The following EYS variants were observed in gnomAD, a reference collection of about 807,000 sequenced individuals.
EYS encodes the protein protein eyes shut homolog.
In EYS, 250 loss-of-function variants were observed where a neutral mutation model predicts 282.1. The observed-to-expected ratio is 0.89, with a 90% CI of 0.80 to 0.98. The LOEUF is 0.98. Ranked by LOEUF, EYS falls within the 50% of genes least tolerant of loss-of-function variation. The pLI is 0.00. For synonymous variants in EYS, 1,355 were observed against 1,282.9 expected (o/e 1.06, Z -1.20); for missense variants, 4,016 against 3,709.0 (o/e 1.08, Z -2.15).
intron 28 of EYS, among the ~76,000 whole-genome samples, chr6:64,407,429 C>T (rs1773754664): frequency 6.6e-6 from 1 of 151,850 alleles, no homozygotes; most frequent in African/African-American, 2.4e-5. Flanking sequence ...CACATGTACC[C>T]CAGAACTTAA....
At chr6:65,687,689 T>C (rs1769076249) in intron 1 of EYS, among the ~76,000 whole-genome samples, 1 of 152,136 alleles carries the variant, frequency 6.6e-6, no homozygotes, top group Non-Finnish European at 1.5e-5. Flanking sequence ...AACCCCATCG[T>C]CTCAGCCCAA....
At chr6:64,955,352 C>A (rs1769662596) in intron 14 of EYS, among the ~76,000 whole-genome samples, 1 of 151,724 alleles carries the variant, frequency 6.6e-6, no homozygotes, top group Non-Finnish European at 1.5e-5. Context: ...AAAAAAAATT[C>A]CATATTCATG....
intron 30 of EYS, among the ~76,000 whole-genome samples, chr6:64,240,659 G>A (rs539341351): frequency 2.6e-5 from 4 of 152,222 alleles, no homozygotes; most frequent in Middle Eastern, 3.4e-3. Context: ...GGGCTGAGAC[G>A]ATGGGGTTTT....
At chr6:64,619,191 AT>A (rs1767368861) in intron 23 of EYS, among the ~76,000 whole-genome samples, 1 of 152,122 alleles carries the variant, frequency 6.6e-6, no homozygotes, top group Admixed American at 6.6e-5. Context: ...TGTATTTTGT[AT>A]TTTTTATATA....
intron 1 of EYS, among the ~76,000 whole-genome samples, chr6:65,687,936 T>C (rs1769090974): frequency 6.6e-6 from 1 of 151,986 alleles, no homozygotes; most frequent in East Asian, 1.9e-4. Flanking sequence ...TAAAAGAGGA[T>C]ACAAACAAAT....
intron 26 of EYS, among the ~76,000 whole-genome samples, chr6:64,552,809 C>T (rs181609942): frequency 6.6e-6 from 1 of 151,084 alleles, no homozygotes; most frequent in East Asian, 2.0e-4. Flanking sequence ...ATCCCAGCTA[C>T]TTGGGAGGCT....
intron 12 of EYS, among the ~76,000 whole-genome samples, chr6:65,149,978 T>C (rs931979285): frequency 2.6e-5 from 4 of 151,918 alleles, no homozygotes; most frequent in Admixed American, 2.0e-4. Context: ...GAGAGAGAAG[T>C]GCCAGCAGGG....
intron 12 of EYS, among the ~76,000 whole-genome samples, chr6:65,131,102 T>G (rs2150202517): frequency 6.6e-6 from 1 of 151,874 alleles, no homozygotes; most frequent in South Asian, 2.1e-4. Context: ...AGTAAATGAT[T>G]AATACTGTCA....
intron 35 of EYS, among the ~76,000 whole-genome samples, chr6:63,893,424 G>A (rs183866705): frequency 1.1e-4 from 16 of 152,204 alleles, no homozygotes; most frequent in South Asian, 4.2e-4. Context: ...CTTGTCCTGT[G>A]CAGGGACAAG....
At chr6:64,406,883 G>A (rs1220048589) in intron 28 of EYS, among the ~76,000 whole-genome samples, 1 of 152,154 alleles carries the variant, frequency 6.6e-6, no homozygotes, top group Non-Finnish European at 1.5e-5. Flanking sequence ...AACCATTGTG[G>A]AAGACAGTGT....
intron 28 of EYS, among the ~76,000 whole-genome samples, chr6:64,430,510 A>C (rs550515098): frequency 4.6e-5 from 7 of 152,340 alleles, no homozygotes; most frequent in African/African-American, 1.4e-4. Flanking sequence ...ATAAACCACT[A>C]AAAACCAAGA....
intron 31 of EYS, among the ~76,000 whole-genome samples, chr6:64,127,195 C>A (rs1010072168): frequency 3.9e-5 from 6 of 152,078 alleles, no homozygotes; most frequent in Admixed American, 6.6e-5. Context: ...TTGTTTGTAT[C>A]TAGGTTTCTG....
intron 35 of EYS, among the ~76,000 whole-genome samples, chr6:63,869,807 G>A (rs1772757483): frequency 6.6e-6 from 1 of 152,040 alleles, no homozygotes; most frequent in African/African-American, 2.4e-5. Flanking sequence ...GAAGTGGGTT[G>A]GGAAAGAAGG....
At chr6:64,762,524 G>C (rs62415478) in intron 22 of EYS, among the ~76,000 whole-genome samples, 18,171 of 152,200 alleles carry the variant, frequency 0.12, 1,141 homozygotes, top group East Asian at 0.21. Context: ...TCTGTTGACA[G>C]TAAGAAATGA....
chr6:64,018,767 T>TG (rs1411639212), intron 33 of EYS, among the ~76,000 whole-genome samples: 4 of 112,422 alleles, frequency 3.6e-5, no homozygotes, highest in African/African-American at 1.2e-4. Flanking sequence ...GTGTTTTTTT[T>TG]TTTTTTTTTT....
At chr6:65,130,466 C>T (rs748235844) in intron 12 of EYS, among the ~76,000 whole-genome samples, 4 of 151,734 alleles carry the variant, frequency 2.6e-5, no homozygotes, top group African/African-American at 7.3e-5. Context: ...ACAGGGAATA[C>T]GATGCAGTCA....
At chr6:64,239,214 A>G (rs1459701144) in intron 30 of EYS, among the ~76,000 whole-genome samples, 1 of 152,202 alleles carries the variant, frequency 6.6e-6, no homozygotes, top group Non-Finnish European at 1.5e-5. Flanking sequence ...CAATAAACAT[A>G]CATGTGCATG....
At chr6:64,286,407 T>C (rs907696606) in intron 30 of EYS, among the ~76,000 whole-genome samples, 1 of 152,202 alleles carries the variant, frequency 6.6e-6, no homozygotes, top group African/African-American at 2.4e-5. Context: ...ACTTTAAATC[T>C]TTCTTACAGA....
At chr6:63,741,459 A>G (rs1769073825) in intron 41 of EYS, among the ~76,000 whole-genome samples, 1 of 152,236 alleles carries the variant, frequency 6.6e-6, no homozygotes, top group Non-Finnish European at 1.5e-5. Flanking sequence ...TTAAGGATAA[A>G]TGATATGGAA....
Sources: gnomAD v4.1 joint callset for allele counts (sites outside exome capture counted in the v4.1 genomes callset) on GRCh38, gnomAD v4.1.1 for gene constraint, MANE v1.5 for transcripts, NCBI Gene and HGNC (gene_info 2026-07-23, HGNC 2026-07-21) for gene names.